HYCC1: variants seen among roughly 807,000 people sequenced by gnomAD.
HYCC1 encodes the protein hyccin PI4KA lipid kinase complex subunit 1, also known as hyccin.
chr7:22,931,255 GAAAAA>G, the HYCC1 span, among the ~76,000 whole-genome samples: 2 of 103,792 alleles, frequency 1.9e-5, no homozygotes, highest in Middle Eastern at 5.6e-3. Context: ...CAAAAAAAAA[GAAAAA>G]AAAAAAAAAA....
the HYCC1 span, among the ~76,000 whole-genome samples, chr7:22,926,626 A>G: frequency 1.3e-5 from 2 of 152,014 alleles, no homozygotes; most frequent in African/African-American, 2.4e-5. Context: ...TCAACAAGAA[A>G]AGCTAACTAT....
the HYCC1 span, among the ~76,000 whole-genome samples, chr7:22,929,214 G>A: frequency 3.9e-5 from 6 of 152,190 alleles, no homozygotes; most frequent in African/African-American, 1.4e-4. Flanking sequence ...AGACTTACAT[G>A]TTAGACCTAA....
At chr7:22,955,034 T>C in the HYCC1 span, among the ~76,000 whole-genome samples, 1 of 151,594 alleles carries the variant, frequency 6.6e-6, no homozygotes, top group African/African-American at 2.4e-5. Context: ...TTAAAATCCT[T>C]ACTGTAATAG....
chr7:22,925,711 G>T, the HYCC1 span, among the ~76,000 whole-genome samples: 1 of 152,230 alleles, frequency 6.6e-6, no homozygotes, highest in Non-Finnish European at 1.5e-5. Flanking sequence ...TCTAATTGGT[G>T]TATCTAAAAG....
At chr7:23,002,162 A>ATATATACACAAT in the HYCC1 span, among the ~76,000 whole-genome samples, 4 of 35,486 alleles carry the variant, frequency 1.1e-4, no homozygotes, top group African/African-American at 5.1e-4. Context: ...ATATATATAT[A>ATATATACACAAT]TATATATATA....
chr7:22,950,804 G>A, the HYCC1 span, among the ~76,000 whole-genome samples: 1 of 151,526 alleles, frequency 6.6e-6, no homozygotes, highest in Non-Finnish European at 1.5e-5. Flanking sequence ...GATGCTGTAA[G>A]GGAATATAAA....
At chr7:22,994,670 G>A in the HYCC1 span, among the ~76,000 whole-genome samples, 1 of 152,016 alleles carries the variant, frequency 6.6e-6, no homozygotes, top group Admixed American at 6.6e-5. Context: ...TGCAAGCTCA[G>A]AATAAAATTG....
the HYCC1 span, among the ~76,000 whole-genome samples, chr7:22,900,168 C>T: frequency 1.3e-5 from 2 of 152,050 alleles, no homozygotes; most frequent in Non-Finnish European, 1.5e-5. Flanking sequence ...TTAAAGGGGA[C>T]AGTTTTCCTT....
chr7:22,968,716 C>A, the HYCC1 span, among the ~76,000 whole-genome samples: 1 of 152,034 alleles, frequency 6.6e-6, no homozygotes, highest in Non-Finnish European at 1.5e-5. Context: ...GGGCCTGGCA[C>A]GGTGGCTCAC....
chr7:22,967,051 T>C, the HYCC1 span, among the ~76,000 whole-genome samples: 133 of 152,302 alleles, frequency 8.7e-4, no homozygotes, highest in African/African-American at 3.1e-3. Context: ...TTGTAAATAA[T>C]AGAGAACCGA....
chr7:22,952,155 T>C, the HYCC1 span, among the ~76,000 whole-genome samples: 1 of 151,912 alleles, frequency 6.6e-6, no homozygotes, highest in African/African-American at 2.4e-5. Context: ...CCTCACTATA[T>C]AATAAGGGAA....
chr7:22,914,645 T>G, the HYCC1 span, among the ~76,000 whole-genome samples: 1 of 152,174 alleles, frequency 6.6e-6, no homozygotes, highest in Non-Finnish European at 1.5e-5. Flanking sequence ...CATTGGTCCC[T>G]CCCTAGTCTC....
chr7:22,937,287 T>C, the HYCC1 span: 1 of 152,176 alleles, frequency 6.6e-6, no homozygotes, highest in East Asian at 1.9e-4. Flanking sequence ...AATATACTTG[T>C]AGTTTCTACA....
At chr7:22,956,671 G>C in the HYCC1 span, among the ~76,000 whole-genome samples, 1 of 151,862 alleles carries the variant, frequency 6.6e-6, no homozygotes, top group Non-Finnish European at 1.5e-5. Context: ...GCGGGATGTT[G>C]ATATACTGGG....
At chr7:22,940,008 G>A in the HYCC1 span, 2 of 152,170 alleles carry the variant, frequency 1.3e-5, no homozygotes. Context: ...GTTGTAGGAG[G>A]TGAGTCAGCT....
the HYCC1 span, among the ~76,000 whole-genome samples, chr7:22,973,645 A>G: frequency 6.6e-6 from 1 of 152,168 alleles, no homozygotes; most frequent in Non-Finnish European, 1.5e-5. Context: ...TGTGGCATAA[A>G]TTGATCTATT....
chr7:22,911,748 C>A, the HYCC1 span, among the ~76,000 whole-genome samples: 1 of 152,188 alleles, frequency 6.6e-6, no homozygotes, highest in African/African-American at 2.4e-5. Flanking sequence ...CACAGCAAGA[C>A]TCCATATCAA....
the HYCC1 span, among the ~76,000 whole-genome samples, chr7:22,931,531 G>T: frequency 6.6e-6 from 1 of 152,160 alleles, no homozygotes; most frequent in East Asian, 1.9e-4. Flanking sequence ...GAGGCTGAAA[G>T]AATTTTGAGA....
chr7:22,959,283 TG>T, the HYCC1 span, among the ~76,000 whole-genome samples: 2 of 152,170 alleles, frequency 1.3e-5, no homozygotes, highest in Admixed American at 6.6e-5. Flanking sequence ...GTGAAAACAA[TG>T]GCAACTGTTC....
Sources: gnomAD v4.1 joint callset for allele counts (sites outside exome capture counted in the v4.1 genomes callset) on GRCh38, gnomAD v4.1.1 for gene constraint, MANE v1.5 for transcripts, NCBI Gene and HGNC (gene_info 2026-07-23, HGNC 2026-07-21) for gene names.